Variants in STPG2 observed in about 807,000 individuals in gnomAD.
The protein encoded by STPG2 is sperm tail PG-rich repeat containing 2, also known as sperm-tail PG-rich repeat-containing protein 2.
A neutral mutation model predicts 54.2 loss-of-function variants in STPG2; 56 were observed. The observed-to-expected ratio is 1.03, with a 90% CI of 0.83 to 1.29. The LOEUF (loss-of-function observed/expected upper bound fraction) is 1.29. STPG2 is among the 50% of genes most tolerant of loss of function. The pLI is 0.00. For synonymous variants in STPG2, 200 were observed against 181.8 expected (o/e 1.10, Z -0.81); for missense variants, 596 against 544.9 (o/e 1.09, Z -0.93).
intron 8 of STPG2, among the ~76,000 whole-genome samples, chr4:97,919,291 T>C (rs527637916): frequency 4.3e-4 from 63 of 146,334 alleles, no homozygotes; most frequent in Non-Finnish European, 8.4e-4. Flanking sequence ...TTTAAGAAAC[T>C]AGAAAAAAAA....
At chr4:97,856,916 T>C (rs1216318646) in intron 8 of STPG2, among the ~76,000 whole-genome samples, 5 of 152,214 alleles carry the variant, frequency 3.3e-5, no homozygotes. Flanking sequence ...ATTAAGATAA[T>C]CATGTGGTTT....
intron 5 of STPG2, among the ~76,000 whole-genome samples, chr4:98,041,038 C>T (rs1338513515): frequency 6.6e-6 from 1 of 150,716 alleles, no homozygotes; most frequent in Non-Finnish European, 1.5e-5. Context: ...CACCATTTTC[C>T]TTTCTTTTCA....
chr4:97,579,619 T>G (rs1260186811), intron 10 of STPG2, among the ~76,000 whole-genome samples: 1 of 152,106 alleles, frequency 6.6e-6, no homozygotes, highest in Admixed American at 6.6e-5. Flanking sequence ...TTGGAACTTC[T>G]GCCACCTTTA....
intron 8 of STPG2, among the ~76,000 whole-genome samples, chr4:97,938,769 C>T (rs1202037639): frequency 5.3e-5 from 8 of 152,066 alleles, no homozygotes; most frequent in African/African-American, 1.9e-4. Context: ...TCATTGCTCT[C>T]CATTGGTCAT....
At chr4:97,504,679 C>T (rs1197095956) in intron 4 of STPG2, among the ~76,000 whole-genome samples, 1 of 151,886 alleles carries the variant, frequency 6.6e-6, no homozygotes, top group African/African-American at 2.4e-5. Flanking sequence ...AAAACAACAA[C>T]CCAAATCACA....
chr4:97,597,969 A>C (rs78832637), intron 10 of STPG2, among the ~76,000 whole-genome samples: 100 of 152,262 alleles, frequency 6.6e-4, no homozygotes, highest in Middle Eastern at 3.4e-3. Context: ...ATATGATTCT[A>C]TACCTAGAAA....
At chr4:97,984,357 C>T (rs1734766919) in intron 5 of STPG2, among the ~76,000 whole-genome samples, 1 of 152,090 alleles carries the variant, frequency 6.6e-6, no homozygotes, top group African/African-American at 2.4e-5. Flanking sequence ...GTTGGCCAGG[C>T]TCGTCTCAAA....
At chr4:97,844,893 T>G (rs1047260851) in intron 8 of STPG2, among the ~76,000 whole-genome samples, 1 of 152,036 alleles carries the variant, frequency 6.6e-6, no homozygotes, top group Non-Finnish European at 1.5e-5. Flanking sequence ...ATTCAATGAT[T>G]TCTATTGATC....
At chr4:97,732,212 C>T (rs1183933626) in intron 9 of STPG2, among the ~76,000 whole-genome samples, 2 of 152,204 alleles carry the variant, frequency 1.3e-5, no homozygotes, top group African/African-American at 2.4e-5. Flanking sequence ...GGGCTTGGCA[C>T]AGGCTGGAGC....
intron 9 of STPG2, among the ~76,000 whole-genome samples, chr4:97,809,313 TA>T (rs1204328683): frequency 6.6e-6 from 1 of 152,128 alleles, no homozygotes; most frequent in African/African-American, 2.4e-5. Flanking sequence ...TAAAACTGAG[TA>T]AACTAGTTGT....
In STPG2 at chr4:97,907,554, C is replaced by T. The variant is rs9857939; in HGVS notation, c.1044+36343G>A. ...TATGGAACCAAAAAAGAGCCTACAT[C>T]GCCAAGTCAATCCTAAGCCAAAAGA... On this transcript the variant is annotated intron_variant, in intron 8 of 10. Coordinates refer to ENST00000295268, the MANE Select transcript of STPG2 (RefSeq NM_174952.3). Among the ~76,000 whole-genome samples, 33 of 151,884 alleles carry T rather than the reference C, an allele frequency of 2.2e-4. 1 individual carries two copies. The East Asian group carries it at 5.4e-3, about 25-fold the overall frequency.
chr4:98,025,235 T>A (rs1578793264), intron 5 of STPG2, among the ~76,000 whole-genome samples: 1 of 152,202 alleles, frequency 6.6e-6, no homozygotes, highest in African/African-American at 2.4e-5. Flanking sequence ...AAACCTTTTT[T>A]ACTTGTATAA....
chr4:98,134,621 T>C (rs1740088829), intron 1 of STPG2, among the ~76,000 whole-genome samples, 162 bp from the exon 2 acceptor site: 1 of 151,270 alleles, frequency 6.6e-6, no homozygotes, highest in South Asian at 2.1e-4. Flanking sequence ...AAATCTGATA[T>C]AAGATCAGAA....
At chr4:97,872,309 A>G (rs562503941) in intron 8 of STPG2, among the ~76,000 whole-genome samples, 1 of 151,364 alleles carries the variant, frequency 6.6e-6, no homozygotes, top group East Asian at 1.9e-4. Context: ...AAAAGACATC[A>G]CTAAAGGCTT....
chr4:97,726,410 A>C (rs1724626477), intron 9 of STPG2, among the ~76,000 whole-genome samples: 1 of 151,972 alleles, frequency 6.6e-6, no homozygotes. Context: ...CACTGTGTAC[A>C]CTTTAAAATG....
intron 4 of STPG2, among the ~76,000 whole-genome samples, chr4:97,534,165 G>A (rs1731477454): frequency 6.6e-6 from 1 of 151,900 alleles, no homozygotes; most frequent in African/African-American, 2.4e-5. Flanking sequence ...TAAATATATT[G>A]AGCATCATTT....
At chr4:97,931,147 C>A (rs1285473535) in intron 8 of STPG2, among the ~76,000 whole-genome samples, 6 of 152,184 alleles carry the variant, frequency 3.9e-5, no homozygotes, top group Admixed American at 3.9e-4. Context: ...AGTTTGGCTT[C>A]CTCTCTTCCT....
At chr4:97,457,063 T>G (rs1163485371) in intron 4 of STPG2, among the ~76,000 whole-genome samples, 1 of 152,178 alleles carries the variant, frequency 6.6e-6, no homozygotes, top group African/African-American at 2.4e-5. Flanking sequence ...TACCACTACC[T>G]ACTGATCCGA....
chr4:97,638,026 G>A (rs1479899908), intron 10 of STPG2, among the ~76,000 whole-genome samples: 229 of 152,088 alleles, frequency 1.5e-3, no homozygotes, highest in African/African-American at 5.0e-3. Context: ...AAAAGAGCCC[G>A]CATCGCCAAG....
Sources: allele counts gnomAD v4.1 joint callset (sites outside exome capture counted in the v4.1 genomes callset), GRCh38; gene constraint gnomAD v4.1.1; transcripts MANE v1.5; gene names NCBI Gene and HGNC (gene_info 2026-07-23, HGNC 2026-07-21).